The following KLHL14 variants were observed in gnomAD, a reference collection of about 807,000 sequenced individuals.
The protein encoded by KLHL14 is kelch-like protein 14.
A neutral mutation model predicts 64.3 loss-of-function variants in KLHL14; 22 were observed. The observed-to-expected ratio is 0.34, with a 90% confidence interval of 0.24 to 0.49. KLHL14 has a LOEUF of 0.49. Among genes scored for constraint, KLHL14 ranks in the 20% least tolerant of loss-of-function variants. The pLI is 0.99. For missense variants in KLHL14, 661 were observed against 789.0 expected, an observed-to-expected ratio of 0.84 and a Z score of 1.94; for synonymous variants, 322 against 333.4, an observed-to-expected ratio of 0.97 and a Z score of 0.37.
chr18:32,757,580 C>G (rs1391391009), intron 2 of KLHL14, among the ~76,000 whole-genome samples: 3 of 152,044 alleles, frequency 2.0e-5, no homozygotes, highest in Non-Finnish European at 4.4e-5. Context: ...TCTTGGAAGT[C>G]AAAACAATTT....
At chr18:32,719,607 T>C (rs2050065773) in intron 3 of KLHL14, among the ~76,000 whole-genome samples, 1 of 152,238 alleles carries the variant, frequency 6.6e-6, no homozygotes, top group East Asian at 1.9e-4. Flanking sequence ...TTGCTTAAGC[T>C]GCTCTTGTCG....
chr18:32,743,989 C>G (rs1004868847), intron 2 of KLHL14: 3 of 152,116 alleles, frequency 2.0e-5, no homozygotes, highest in Non-Finnish European at 4.4e-5. Flanking sequence ...GTAGACAGAC[C>G]TGTTCAACTG....
At chr18:32,702,961 A>G (rs1476530881) in intron 3 of KLHL14, among the ~76,000 whole-genome samples, 3 of 152,244 alleles carry the variant, frequency 2.0e-5, no homozygotes, top group Admixed American at 1.3e-4. Context: ...CTTGTCTCTC[A>G]TAGTTCAAAA....
intron 4 of KLHL14, among the ~76,000 whole-genome samples, chr18:32,693,413 C>CACACACACAGAGAGAGAGAGAG (rs1229737083): frequency 4.2e-4 from 41 of 97,024 alleles, no homozygotes; most frequent in African/African-American, 1.8e-3. Context: ...CACACACACA[C>CACACACACAGAGAGAGAGAGAG]AGAGAGAGAG....
In KLHL14 at chr18:32,683,819, C is replaced by T. The variant is rs1220919658; in HGVS notation, c.1239-3220G>A. On this transcript the variant is annotated intron_variant, in intron 5 of 8. Transcript: ENST00000359358. The surrounding 1 kb of genome is among the most constrained non-coding windows in gnomAD (Gnocchi z 4.2). ...ATGAGATTGGATTACTATATCCTTACCCTGCTTGAATTTTTGACTTTTGTC... is the reference window on the plus strand; with the variant it reads ...ATGAGATTGGATTACTATATCCTTATCCTGCTTGAATTTTTGACTTTTGTC... Among the ~76,000 whole-genome samples, 5 of 152,088 alleles carry T rather than the reference C, an allele frequency of 3.3e-5. No homozygotes were observed. Among genetic ancestry groups the T allele is most frequent in the Non-Finnish European group, 5.9e-5 (4 of 68,016 alleles).
intron 2 of KLHL14, chr18:32,742,890 G>GAGCTGGCAATTCGCTGCTAATTA (rs2050205893): frequency 6.6e-6 from 1 of 152,284 alleles, no homozygotes; most frequent in African/African-American, 2.4e-5. Flanking sequence ...CACCCATCAA[G>GAGCTGGCAATTCGCTGCTAATTA]AGCTGGCAAT....
At chr18:32,693,126 AC>A (rs2049916557) in intron 4 of KLHL14, among the ~76,000 whole-genome samples, 1 of 152,096 alleles carries the variant, frequency 6.6e-6, no homozygotes, top group Non-Finnish European at 1.5e-5. Flanking sequence ...CTCCTGCTGA[AC>A]AGGCCACCTC....
intron 2 of KLHL14, among the ~76,000 whole-genome samples, chr18:32,762,918 G>A (rs1000710790): frequency 6.6e-6 from 1 of 151,994 alleles, no homozygotes; most frequent in Non-Finnish European, 1.5e-5. Context: ...AGTTAGAGAG[G>A]TCTTATTTTG....
At chr18:32,691,493 A>G (rs573015393) in intron 4 of KLHL14, among the ~76,000 whole-genome samples, 1 of 152,292 alleles carries the variant, frequency 6.6e-6, no homozygotes, top group Non-Finnish European at 1.5e-5. Context: ...GCAGTAAGCT[A>G]TGATTGCACC....
chr18:32,700,839 CA>C (rs1199759054), intron 3 of KLHL14, among the ~76,000 whole-genome samples: 1 of 152,124 alleles, frequency 6.6e-6, no homozygotes, highest in African/African-American at 2.4e-5. Flanking sequence ...TGACAGTGCT[CA>C]GGGAAGGCCT....
chr18:32,681,723 A>G (rs2049839826), intron 5 of KLHL14, among the ~76,000 whole-genome samples: 1 of 152,344 alleles, frequency 6.6e-6, no homozygotes, highest in East Asian at 1.9e-4. Context: ...ATTCTTGTTC[A>G]ATGTCGATTG....
At chr18:32,735,127 G>C (rs1452116283) in intron 3 of KLHL14, among the ~76,000 whole-genome samples, 1 of 152,118 alleles carries the variant, frequency 6.6e-6, no homozygotes, top group Non-Finnish European at 1.5e-5. Context: ...TATGAACATG[G>C]TACTACCTCA....
chr18:32,729,803 A>G (rs1462005725), intron 3 of KLHL14, among the ~76,000 whole-genome samples: 3 of 152,190 alleles, frequency 2.0e-5, no homozygotes, highest in African/African-American at 7.2e-5. Flanking sequence ...AGGTACTGGG[A>G]GTAGGACTTA....
At chr18:32,738,591 C>T (rs1469369692) in intron 3 of KLHL14, 1 of 152,082 alleles carries the variant, frequency 6.6e-6, no homozygotes, top group Non-Finnish European at 1.5e-5. Context: ...CTGATAGAGG[C>T]TTTTCTTATA....
chr18:32,739,290 G>A (rs2050182941), intron 3 of KLHL14, among the ~76,000 whole-genome samples: 1 of 151,882 alleles, frequency 6.6e-6, no homozygotes, highest in African/African-American at 2.4e-5. Flanking sequence ...GAAGAATCTG[G>A]GATTCTGATG....
rs2050372147 is a variant in KLHL14 at position 32,770,149 on chromosome 18, GT to G, written c.442del (p.Thr148ProfsTer114). 6.2e-7 allele frequency: 1 copy of G among 1,614,044 alleles called. No individual in the cohort carries two copies. Among genetic ancestry groups the G allele is most frequent in the Non-Finnish European group, 8.5e-7 (1 of 1,180,044 alleles). On this transcript the variant is annotated frameshift_variant, in exon 2 of 9. Transcript: ENST00000359358. LOFTEE classifies it high-confidence loss of function. The surrounding 1 kb of genome is among the most constrained non-coding windows in gnomAD (Gnocchi z 6.7). ...VLEYLYTANV[T>X]LSLDTVEEVL... The stretch of plus-strand genomic sequence containing the variant: ...CTCCTCCACCGTGTCCAGGGACAGG[GT>G]CACGTTGGCCGTGTAGAGGTACTCG...
intron 1 of KLHL14, chr18:32,771,005 T>C (rs560726054): frequency 1.0e-5 from 4 of 395,028 alleles, no homozygotes; most frequent in African/African-American, 6.5e-5. Flanking sequence ...CCGAGGCACC[T>C]CGTGGGCTCG....
chr18:32,766,149 G>A (rs1448920746), intron 2 of KLHL14, among the ~76,000 whole-genome samples: 1 of 151,816 alleles, frequency 6.6e-6, no homozygotes, highest in Non-Finnish European at 1.5e-5. Flanking sequence ...CTTTTAATAA[G>A]CATTTATTCG....
chr18:32,769,393 C>A (rs1229948206), intron 2 of KLHL14, among the ~76,000 whole-genome samples: 1 of 152,212 alleles, frequency 6.6e-6, no homozygotes, highest in African/African-American at 2.4e-5. Flanking sequence ...CCCATGTTTA[C>A]GGCTCTGGGG....
Sources: gnomAD v4.1 joint callset for allele counts (sites outside exome capture counted in the v4.1 genomes callset) on GRCh38, gnomAD v4.1.1 for gene constraint, Gnocchi (gnomAD v3.1) non-coding constraint, MANE v1.5 for transcripts, NCBI Gene and HGNC (gene_info 2026-07-23, HGNC 2026-07-21) for gene names.